The following PCDH7 variants were observed in gnomAD, a reference collection of about 807,000 sequenced individuals.
PCDH7 encodes protocadherin 7, also known as protocadherin-7.
PCDH7 carries 17 observed loss-of-function variants against 58.9 expected under a neutral mutation model. That is an observed-to-expected ratio of 0.29 (90% confidence interval 0.20 to 0.43). The LOEUF (loss-of-function observed/expected upper bound fraction) is 0.43. PCDH7 is among the 20% of genes least tolerant of loss of function. PCDH7 has a pLI of 1.00. For missense variants in PCDH7, 1,274 were observed against 1,441.0 expected (o/e 0.88, Z 1.88); for synonymous variants, 664 against 616.4 (o/e 1.08, Z -1.14).
intron 3 of PCDH7, among the ~76,000 whole-genome samples, chr4:31,085,687 TA>T (rs1456064200): frequency 1.3e-5 from 2 of 152,134 alleles, no homozygotes; most frequent in African/African-American, 4.8e-5. Flanking sequence ...GACAAATATC[TA>T]AACCATCTCA....
intron 1 of PCDH7, among the ~76,000 whole-genome samples, chr4:30,847,733 T>C (rs1732174196): frequency 6.6e-6 from 1 of 152,144 alleles, no homozygotes; most frequent in African/African-American, 2.4e-5. Context: ...TATAAACAAA[T>C]TGCAGTATGA....
intron 1 of PCDH7, among the ~76,000 whole-genome samples, chr4:30,845,447 T>TATAATACATCTA (rs1384992555): frequency 6.6e-6 from 1 of 152,160 alleles, no homozygotes; most frequent in Non-Finnish European, 1.5e-5. Context: ...AACCCAACCT[T>TATAATACATCTA]ATAATACATC....
intron 3 of PCDH7, among the ~76,000 whole-genome samples, chr4:31,080,922 A>G (rs55707833): frequency 0.09 from 13,662 of 152,218 alleles, 713 homozygotes; most frequent in South Asian, 0.18. Context: ...TGATTTTATA[A>G]GGGGTTTCCC....
In PCDH7 at chr4:30,921,350, T is replaced by G. The variant is rs576468222; in HGVS notation, c.287+981T>G. 1.6e-3 allele frequency among the ~76,000 whole-genome samples: 247 copies of G among 152,232 alleles called. 2 individuals are homozygous for G. The highest frequency in any genetic ancestry group is 1.8e-3 in the Non-Finnish European group (121 of 67,996). ...TTGCCATCTCAACCCCCGAGTGACA[T>G]AAGACGCTCTAACTTTTTGTTATAT... On this transcript the variant is annotated intron_variant, in intron 2 of 3. Transcript: ENST00000509759.
chr4:30,817,813 C>G (rs546129706), intron 1 of PCDH7, among the ~76,000 whole-genome samples: 1 of 152,300 alleles, frequency 6.6e-6, no homozygotes, highest in East Asian at 1.9e-4. Flanking sequence ...GCTTCCAACC[C>G]TGGCCCCTAC....
At chr4:30,971,649 T>C (rs968220605) in intron 3 of PCDH7, among the ~76,000 whole-genome samples, 16 of 152,216 alleles carry the variant, frequency 1.1e-4, no homozygotes, top group African/African-American at 3.9e-4. Context: ...TTGACAAGGA[T>C]GCACAGTAAG....
chr4:30,755,169 C>T (rs1047015452), intron 1 of PCDH7, among the ~76,000 whole-genome samples: 1 of 152,114 alleles, frequency 6.6e-6, no homozygotes, highest in Admixed American at 6.5e-5. Flanking sequence ...TCATCATATG[C>T]GTGCCATCCT....
At chr4:30,950,555 C>T (rs909403879) in intron 3 of PCDH7, among the ~76,000 whole-genome samples, 1 of 152,140 alleles carries the variant, frequency 6.6e-6, no homozygotes, top group Admixed American at 6.5e-5. Context: ...TTATATAACA[C>T]ATCTTTGAAA....
At chr4:31,045,443 T>C (rs535737041) in intron 3 of PCDH7, among the ~76,000 whole-genome samples, 3 of 152,036 alleles carry the variant, frequency 2.0e-5, no homozygotes, top group Non-Finnish European at 4.4e-5. Context: ...ATAAAGGTTC[T>C]AGACCAAATA....
intron 1 of PCDH7, among the ~76,000 whole-genome samples, chr4:30,820,270 G>C (rs927610896): frequency 2.6e-5 from 4 of 152,098 alleles, no homozygotes; most frequent in Non-Finnish European, 5.9e-5. Context: ...AGCCCCAGGA[G>C]GGGGCTAGTT....
At chr4:31,053,367 T>A (rs1403798784) in intron 3 of PCDH7, among the ~76,000 whole-genome samples, 1 of 152,080 alleles carries the variant, frequency 6.6e-6, no homozygotes, top group Non-Finnish European at 1.5e-5. Flanking sequence ...ATGCATTTGT[T>A]TCTGCTGTTT....
exon 2 of PCDH7, chr4:30,732,613 A>G (rs1400529103): frequency 6.6e-6 from 1 of 152,194 alleles, no homozygotes; most frequent in Non-Finnish European, 1.5e-5. Context: ...TAGTAAGAGT[A>G]AATATTGACT....
Position 30,731,365 on chromosome 4 carries a change from A to G in PCDH7, c.*577A>G, listed in dbSNP as rs372771804. On this transcript the variant is annotated 3_prime_UTR_variant, in exon 2 of 2. Transcript: ENST00000361762. ...TATATGTGTGTGTGTGTGTGTGTATATATATATATATGCTGGAACTTTGAG... is the reference window on the plus strand; with the variant it reads ...TATATGTGTGTGTGTGTGTGTGTATGTATATATATATGCTGGAACTTTGAG... 7.5e-4 allele frequency: 108 copies of G among 143,430 alleles called. 2 individuals carry two copies. The East Asian group carries it at 0.019, about 25-fold the overall frequency. 8.9% of individuals were successfully genotyped at this position (143,430 alleles called of 1,614,324 possible). A position where few individuals can be genotyped will look rare whatever the true frequency, so the allele number is the denominator to read the frequency against.
chr4:31,001,585 A>G (rs1254798204), intron 3 of PCDH7, among the ~76,000 whole-genome samples: 5 of 152,166 alleles, frequency 3.3e-5, no homozygotes, highest in Non-Finnish European at 1.5e-5. Context: ...ATAAGGAATC[A>G]TTAACTTGTA....
At chr4:30,954,661 A>T (rs1747673835) in intron 3 of PCDH7, among the ~76,000 whole-genome samples, 1 of 152,176 alleles carries the variant, frequency 6.6e-6, no homozygotes, top group South Asian at 2.1e-4. Context: ...TCATAGAAAG[A>T]CGAGTGAAAA....
chr4:30,834,057 C>T (rs1730152387), intron 1 of PCDH7, among the ~76,000 whole-genome samples: 1 of 152,160 alleles, frequency 6.6e-6, no homozygotes, highest in Non-Finnish European at 1.5e-5. Flanking sequence ...CTTTATATTT[C>T]TTACGTGTTC....
chr4:30,948,877 A>G (rs1382474740), intron 2 of PCDH7, among the ~76,000 whole-genome samples: 1 of 152,158 alleles, frequency 6.6e-6, no homozygotes, highest in Non-Finnish European at 1.5e-5. Flanking sequence ...GGAGTTGAAA[A>G]CTGGGAAATT....
chr4:31,129,102 C>T (rs900624556), intron 3 of PCDH7, among the ~76,000 whole-genome samples: 1 of 152,098 alleles, frequency 6.6e-6, no homozygotes, highest in Non-Finnish European at 1.5e-5. Flanking sequence ...TTCAACAGGC[C>T]CTTAATGAGC....
intron 2 of PCDH7, among the ~76,000 whole-genome samples, chr4:30,933,821 C>T (rs1321941184): frequency 1.3e-5 from 2 of 152,160 alleles, no homozygotes; most frequent in Non-Finnish European, 2.9e-5. Flanking sequence ...GCTCATAATT[C>T]TCAGGTAATT....
Sources: gnomAD v4.1 joint callset for allele counts (sites outside exome capture counted in the v4.1 genomes callset) on GRCh38, gnomAD v4.1.1 for gene constraint, MANE v1.5 for transcripts, NCBI Gene and HGNC (gene_info 2026-07-23, HGNC 2026-07-21) for gene names.